The following TRAPPC9 variants were observed in gnomAD, a reference collection of about 807,000 sequenced individuals.
The protein encoded by TRAPPC9 is trafficking protein particle complex subunit 9, also known as IKK2 binding protein.
TRAPPC9 carries 83 observed loss-of-function variants against 124.0 expected under a neutral mutation model. That is an observed-to-expected ratio of 0.67 (90% CI 0.56 to 0.80). TRAPPC9 has a LOEUF of 0.80. TRAPPC9 is among the 30% of genes least tolerant of loss of function. The pLI is 0.00. For missense variants in TRAPPC9, 1,302 were observed against 1,508.3 expected, an observed-to-expected ratio of 0.86 and a Z score of 2.27; for synonymous variants, 638 against 617.5, an observed-to-expected ratio of 1.03 and a Z score of -0.49.
At chr8:139,896,421 G>A (rs191729882) in intron 20 of TRAPPC9, among the ~76,000 whole-genome samples, 461 of 152,248 alleles carry the variant, frequency 3.0e-3, no homozygotes, top group Non-Finnish European at 4.9e-3. Flanking sequence ...TGCTCAACAC[G>A]CATCTTCTCA....
intron 15 of TRAPPC9, among the ~76,000 whole-genome samples, chr8:140,259,446 A>G (rs1278922638): frequency 6.6e-6 from 1 of 152,206 alleles, no homozygotes; most frequent in Non-Finnish European, 1.5e-5. Flanking sequence ...TGTGCTAGTT[A>G]CAAACCCCAG....
rs146083527 is a variant in TRAPPC9 at position 140,427,298 on chromosome 8, G to A, written c.860-657C>T. Reference sequence around the variant, plus strand: ...CAAATGTATGTCAGCAGCCTAGAATGGGGGAGAAAAGGTGCCAGTGGCTCT... The same window carrying A: ...CAAATGTATGTCAGCAGCCTAGAATAGGGGAGAAAAGGTGCCAGTGGCTCT... On this transcript the variant is annotated intron_variant, in intron 4 of 22. Coordinates refer to ENST00000438773, the MANE Select transcript of TRAPPC9 (RefSeq NM_001160372.4). Among the ~76,000 whole-genome samples the A allele has an allele frequency of 6.4e-4, 97 of 151,934 alleles. No individual in the cohort carries two copies. In the East Asian group the frequency reaches 0.016, roughly 25 times the overall value.
At chr8:139,808,897 T>G (rs1824246309) in intron 21 of TRAPPC9, among the ~76,000 whole-genome samples, 1 of 152,212 alleles carries the variant, frequency 6.6e-6, no homozygotes, top group African/African-American at 2.4e-5. Context: ...CTGGCTATTT[T>G]CACGTTTTGC....
In TRAPPC9 at chr8:139,762,677, C is replaced by T. The variant is rs189587196; in HGVS notation, c.3056-30475G>A. On this transcript the variant is annotated intron_variant, in intron 21 of 22. Transcript: ENST00000438773. ...CCACTGACTGAAATGGCATGTGGTGCACGACTGTAATTTAATCCTCTCCAC... is the reference window on the plus strand; with the variant it reads ...CCACTGACTGAAATGGCATGTGGTGTACGACTGTAATTTAATCCTCTCCAC... Among the ~76,000 whole-genome samples the T allele has an allele frequency of 2.2e-4, 33 of 152,322 alleles. No homozygotes were observed. The East Asian group carries it at 6.2e-3, about 28-fold the overall frequency.
intron 2 of TRAPPC9, among the ~76,000 whole-genome samples, chr8:140,450,442 A>T (rs2071415884): frequency 6.6e-6 from 1 of 152,178 alleles, no homozygotes; most frequent in Non-Finnish European, 1.5e-5. Flanking sequence ...GCCCATCTCA[A>T]CTAAAACTAG....
intron 17 of TRAPPC9, among the ~76,000 whole-genome samples, chr8:140,071,041 C>T (rs1373546822): frequency 6.6e-6 from 1 of 152,246 alleles, no homozygotes; most frequent in South Asian, 2.1e-4. Context: ...GCATATTGAG[C>T]TTTGGTGCCC....
intron 17 of TRAPPC9, among the ~76,000 whole-genome samples, chr8:140,024,518 CT>C (rs1840010098): frequency 6.6e-6 from 1 of 152,162 alleles, no homozygotes; most frequent in Non-Finnish European, 1.5e-5. Context: ...CTGCCTCAGC[CT>C]CCCAAGTAGC....
intron 20 of TRAPPC9, among the ~76,000 whole-genome samples, chr8:139,908,002 G>A (rs188029121): frequency 1.3e-5 from 2 of 152,156 alleles, no homozygotes; most frequent in South Asian, 2.1e-4. Flanking sequence ...TCAGGTTGCC[G>A]ACAAGGGTGA....
At chr8:140,344,993 A>G (rs1223082111) in intron 9 of TRAPPC9, among the ~76,000 whole-genome samples, 1 of 152,234 alleles carries the variant, frequency 6.6e-6, no homozygotes, top group Non-Finnish European at 1.5e-5. Context: ...CGACAGCGTC[A>G]AGGTTTCTGC....
intron 17 of TRAPPC9, among the ~76,000 whole-genome samples, chr8:140,159,676 A>G (rs1330712000): frequency 6.6e-6 from 1 of 152,224 alleles, no homozygotes; most frequent in Non-Finnish European, 1.5e-5. Flanking sequence ...TTACATGTAA[A>G]AGAGGAGCAA....
At chr8:140,034,266 A>G (rs4269520) in intron 17 of TRAPPC9, among the ~76,000 whole-genome samples, 114,471 of 152,160 alleles carry the variant, frequency 0.75, 43,799 homozygotes, top group African/African-American at 0.89. Flanking sequence ...TCCATTAAAC[A>G]GATGGATGGA....
intron 19 of TRAPPC9, among the ~76,000 whole-genome samples, chr8:139,942,918 G>T (rs1000582979): frequency 1.1e-4 from 16 of 152,326 alleles, no homozygotes; most frequent in African/African-American, 3.8e-4. Flanking sequence ...GGAGAGGGCC[G>T]AGAGCAGGAG....
chr8:140,211,843 C>A (rs1438232693), intron 17 of TRAPPC9, among the ~76,000 whole-genome samples: 1 of 152,186 alleles, frequency 6.6e-6, no homozygotes, highest in African/African-American at 2.4e-5. Flanking sequence ...GCATGCTTCA[C>A]AAGCCCATGG....
chr8:140,385,844 G>A (rs934875973), intron 7 of TRAPPC9, among the ~76,000 whole-genome samples: 3 of 152,144 alleles, frequency 2.0e-5, no homozygotes, highest in Non-Finnish European at 4.4e-5. Context: ...TGATACCATA[G>A]CCTGGCAGAG....
At chr8:140,198,521 T>G (rs2062716566) in intron 17 of TRAPPC9, among the ~76,000 whole-genome samples, 1 of 152,130 alleles carries the variant, frequency 6.6e-6, no homozygotes, top group Admixed American at 6.5e-5. Flanking sequence ...TGACTCCCTA[T>G]GATTTCAGCC....
chr8:139,890,232 C>T (rs1830251411), intron 20 of TRAPPC9, among the ~76,000 whole-genome samples: 1 of 152,268 alleles, frequency 6.6e-6, no homozygotes, highest in Non-Finnish European at 1.5e-5. Context: ...GTGGTCCCTT[C>T]CCAAGCCCTA....
intron 9 of TRAPPC9, among the ~76,000 whole-genome samples, chr8:140,332,911 G>A (rs1466882766): frequency 6.6e-6 from 1 of 152,142 alleles, no homozygotes; most frequent in African/African-American, 2.4e-5. Flanking sequence ...CAGGTGGGAG[G>A]ATCACGAGTT....
chr8:140,146,359 C>A (rs1260936087), intron 17 of TRAPPC9, among the ~76,000 whole-genome samples: 1 of 152,250 alleles, frequency 6.6e-6, no homozygotes, highest in Non-Finnish European at 1.5e-5. Context: ...GTGGCCACAG[C>A]AGACACCTAT....
chr8:140,449,002 T>A (rs1327978554), intron 2 of TRAPPC9, among the ~76,000 whole-genome samples: 1 of 152,044 alleles, frequency 6.6e-6, no homozygotes, highest in Non-Finnish European at 1.5e-5. Context: ...TTCCTTTCCT[T>A]AAGCCAAATA....
Sources: allele counts gnomAD v4.1 joint callset (sites outside exome capture counted in the v4.1 genomes callset), GRCh38; gene constraint gnomAD v4.1.1; transcripts MANE v1.5; gene names NCBI Gene and HGNC (gene_info 2026-07-23, HGNC 2026-07-21).